Variants in ZNRF1 observed in about 807,000 individuals in gnomAD.
ZNRF1 encodes the protein E3 ubiquitin-protein ligase ZNRF1.
A neutral mutation model predicts 18.4 loss-of-function variants in ZNRF1; 3 were observed. The ratio of observed to expected loss-of-function variants is 0.16; its 90% confidence interval spans 0.07 to 0.42. The LOEUF is 0.42. Among genes scored for constraint, ZNRF1 ranks in the 10% least tolerant of loss-of-function variants. ZNRF1 has a pLI of 0.99. For missense variants in ZNRF1, 310 were observed against 329.8 expected (o/e 0.94, Z 0.47); for synonymous variants, 157 against 144.2 (o/e 1.09, Z -0.64).
rs2036366729 is a variant in ZNRF1, at chr16:75,110,235, G to A, written c.*2535G>A. The A allele has an allele frequency of 6.6e-6, 1 of 152,368 alleles. No homozygotes were observed. The highest frequency in any genetic ancestry group is 2.1e-4 in the South Asian group (1 of 4,824). 9.4% of individuals were successfully genotyped at this position (152,368 alleles called of 1,614,324 possible). On this transcript the variant is annotated 3_prime_UTR_variant, in exon 5 of 5. Coordinates refer to ENST00000335325, the MANE Select transcript of ZNRF1 (RefSeq NM_032268.5). ...GTTGCCTGCTCTTGTTGTGGGGGTG[G>A]GATTGGGGCTGTCTGTGTTTCCCAG...
At chr16:75,031,429 T>C (rs1285533499) in intron 1 of ZNRF1, among the ~76,000 whole-genome samples, 9 of 152,268 alleles carry the variant, frequency 5.9e-5, no homozygotes, top group Middle Eastern at 3.4e-3. Flanking sequence ...TGCCCGGCCA[T>C]GTCCAAATTT....
intron 1 of ZNRF1, among the ~76,000 whole-genome samples, chr16:75,015,779 C>G (rs906274299): frequency 6.6e-6 from 1 of 152,070 alleles, no homozygotes; most frequent in African/African-American, 2.4e-5. Context: ...TAGACGTGAG[C>G]CACAGCTCCC....
chr16:75,064,791 CCTT>C (rs2035782493), intron 1 of ZNRF1, among the ~76,000 whole-genome samples: 1 of 152,278 alleles, frequency 6.6e-6, no homozygotes, highest in South Asian at 2.1e-4. Context: ...TGTTCCTGGC[CCTT>C]CTTCTAATAC....
intron 2 of ZNRF1, among the ~76,000 whole-genome samples, chr16:75,098,605 T>C (rs929382675): frequency 2.0e-5 from 3 of 152,158 alleles, no homozygotes; most frequent in Admixed American, 1.3e-4. Flanking sequence ...CCAGCAGCTC[T>C]GCATGCTGAA....
chr16:75,031,409 G>A (rs1015850766), intron 1 of ZNRF1, among the ~76,000 whole-genome samples: 4 of 151,974 alleles, frequency 2.6e-5, no homozygotes, highest in African/African-American at 9.7e-5. Context: ...GGATTACAGG[G>A]GAGCCACCGT....
Position 75,106,470 on chromosome 16 carries a change from C to CCCT in ZNRF1, c.627-6_627-4dup, listed in dbSNP as rs772731737. The CCCT allele has an allele frequency of 7.1e-5, 114 of 1,614,074 alleles. No homozygotes were observed. In the African/African-American group the frequency reaches 1.3e-3, roughly 19 times the overall value. On this transcript the variant is annotated splice_polypyrimidine_tract_variant and intron_variant, in intron 3 of 4. Coordinates refer to ENST00000335325, the MANE Select transcript of ZNRF1 (RefSeq NM_032268.5). The stretch of plus-strand genomic sequence containing the variant: ...AGGTAACGTGGTTTCCCTTGCGGCC[C>CCCT]CCTCCTCCCAGCTGCATAGACTCGT...
chr16:75,092,123 A>AC (rs1597906159), intron 1 of ZNRF1, among the ~76,000 whole-genome samples: 1 of 152,106 alleles, frequency 6.6e-6, no homozygotes, highest in Non-Finnish European at 1.5e-5. Context: ...GCATAGCAAG[A>AC]CCCCATCTCT....
At chr16:75,005,052 G>A (rs2034901097) in intron 1 of ZNRF1, among the ~76,000 whole-genome samples, 1 of 152,130 alleles carries the variant, frequency 6.6e-6, no homozygotes, top group Non-Finnish European at 1.5e-5. Flanking sequence ...AGCTCCCTTG[G>A]AGTGAATCAG....
chr16:75,075,563 G>A (rs1425500629), intron 1 of ZNRF1, among the ~76,000 whole-genome samples: 4 of 152,170 alleles, frequency 2.6e-5, no homozygotes, highest in Admixed American at 6.5e-5. Flanking sequence ...ATCTCTTTCC[G>A]GTTGTACAGC....
intron 1 of ZNRF1, among the ~76,000 whole-genome samples, chr16:75,000,916 G>C (rs74026645): frequency 0.073 from 11,051 of 152,222 alleles, 440 homozygotes; most frequent in East Asian, 0.17. Context: ...GGAGGATTCA[G>C]AGAATCTGGA....
chr16:75,047,713 T>A (rs2035534873), intron 1 of ZNRF1, among the ~76,000 whole-genome samples: 1 of 152,218 alleles, frequency 6.6e-6, no homozygotes, highest in African/African-American at 2.4e-5. Flanking sequence ...TGTTTCCTCC[T>A]TTTAAGCCCT....
chr16:75,000,481 A>G (rs1272068193), intron 1 of ZNRF1: 1 of 393,190 alleles, frequency 2.5e-6, no homozygotes, highest in Non-Finnish European at 5.0e-6. Flanking sequence ...AGATGGAGCC[A>G]GTTGGAGCAA....
At chr16:75,033,625 C>T (rs780557857) in intron 1 of ZNRF1, among the ~76,000 whole-genome samples, 57 of 151,952 alleles carry the variant, frequency 3.8e-4, no homozygotes, top group Middle Eastern at 3.4e-3. Context: ...TTGGTAGAAG[C>T]GGGGTTTCCC....
intron 1 of ZNRF1, among the ~76,000 whole-genome samples, chr16:75,053,116 C>A (rs545694283): frequency 2.0e-5 from 3 of 152,118 alleles, no homozygotes; most frequent in Admixed American, 2.0e-4. Context: ...ATTTATAGAT[C>A]GCAGAGGAAA....
At chr16:75,014,077 C>T (rs1200093882) in intron 1 of ZNRF1, among the ~76,000 whole-genome samples, 4 of 152,270 alleles carry the variant, frequency 2.6e-5, no homozygotes, top group South Asian at 2.1e-4. Flanking sequence ...ATGATCCACC[C>T]GCCTTATCTT....
chr16:75,049,029 G>GTCTC (rs1288653854), intron 1 of ZNRF1, among the ~76,000 whole-genome samples: 4 of 147,766 alleles, frequency 2.7e-5, no homozygotes, highest in African/African-American at 1.0e-4. Flanking sequence ...TTGAGATGGA[G>GTCTC]TCTCTCACTT....
intron 2 of ZNRF1, among the ~76,000 whole-genome samples, chr16:75,102,168 C>T (rs74024704): frequency 0.011 from 1,698 of 152,254 alleles, 23 homozygotes; most frequent in African/African-American, 0.038. Flanking sequence ...CCATAGCCTT[C>T]TGGGCCCTGA....
At chr16:75,103,034 C>T (rs1214322082) in intron 2 of ZNRF1, among the ~76,000 whole-genome samples, 3 of 152,212 alleles carry the variant, frequency 2.0e-5, no homozygotes, top group Non-Finnish European at 4.4e-5. Context: ...CTGATGAGGT[C>T]TCTTTCCCCA....
At chr16:75,056,774 G>T (rs1380612973) in intron 1 of ZNRF1, among the ~76,000 whole-genome samples, 1 of 152,094 alleles carries the variant, frequency 6.6e-6, no homozygotes, top group African/African-American at 2.4e-5. Context: ...TTACAGGTGT[G>T]TGCCACCATG....
Sources: allele counts gnomAD v4.1 joint callset (sites outside exome capture counted in the v4.1 genomes callset), GRCh38; gene constraint gnomAD v4.1.1; transcripts MANE v1.5; gene names NCBI Gene and HGNC (gene_info 2026-07-23, HGNC 2026-07-21).